Variants in POLE2 observed in about 807,000 individuals in gnomAD.
The protein encoded by POLE2 is DNA polymerase epsilon subunit 2.
POLE2 carries 56 observed loss-of-function variants against 79.4 expected under a neutral mutation model. That is an observed-to-expected ratio of 0.71 (90% CI 0.57 to 0.88). The LOEUF (loss-of-function observed/expected upper bound fraction) is 0.88, where lower values mean the gene tolerates loss of function less well. Among genes scored for constraint, POLE2 ranks in the 40% least tolerant of loss-of-function variants. The probability of loss-of-function intolerance (pLI) is 0.00; values close to 1 mark genes in which losing one functional copy is unlikely to be tolerated. For missense variants in POLE2, 598 were observed against 638.9 expected, an observed-to-expected ratio of 0.94 and a Z score of 0.69; for synonymous variants, 212 against 214.0, an observed-to-expected ratio of 0.99 and a Z score of 0.08.
chr14:49,680,347 C>T (rs1049677293), intron 2 of POLE2, among the ~76,000 whole-genome samples: 3 of 140,384 alleles, frequency 2.1e-5, no homozygotes, highest in Non-Finnish European at 4.6e-5. Context: ...GAGTGAGATA[C>T]TATCTCAAAA....
At chr14:49,646,302 GTTTTTTTTTTTTTTTTTTT>G (rs1162033821) in intron 18 of POLE2, among the ~76,000 whole-genome samples, 1,409 of 84,658 alleles carry the variant, frequency 0.017, 131 homozygotes, top group Admixed American at 0.15. Flanking sequence ...TTTTTTGTTG[GTTTTTTTTTTTTTTTTTTT>G]TTTTTTTTTT....
intron 15 of POLE2, 146 bp from the exon 16 acceptor site, chr14:49,651,523 C>T: frequency 2.0e-6 from 1 of 495,578 alleles, no homozygotes; most frequent in African/African-American, 1.9e-5. Context: ...TTCATCTATT[C>T]ATTTAACAGC....
chr14:49,681,636 T>C (rs1886710972), intron 2 of POLE2, among the ~76,000 whole-genome samples: 1 of 152,032 alleles, frequency 6.6e-6, no homozygotes, highest in Admixed American at 6.6e-5. Flanking sequence ...TAGCCTGGTG[T>C]GGTGGCACGC....
At chr14:49,678,441 C>T (rs940048618) in intron 3 of POLE2, among the ~76,000 whole-genome samples, 8 of 152,202 alleles carry the variant, frequency 5.3e-5, no homozygotes, top group African/African-American at 1.9e-4. Context: ...GCTCATATTA[C>T]GTTCTGCCTC....
chr14:49,682,873 T>C lies in POLE2; in HGVS notation c.169+720A>G, dbSNP rs76153382. The stretch of plus-strand genomic sequence containing the variant: ...AAATCAAGAAGAGATGTCAGCTCTG[T>C]TTACTTTACTCTTCTTTTTTTCCTC... On this transcript the variant is annotated intron_variant, in intron 2 of 18. Transcript: ENST00000216367. Among the ~76,000 whole-genome samples the C allele has an allele frequency of 2.3e-3, 353 of 151,926 alleles. 3 individuals carry two copies. The highest frequency in any genetic ancestry group is 0.018 in the East Asian group (91 of 5,172).
chr14:49,653,708 T>G (rs956597181), intron 15 of POLE2, among the ~76,000 whole-genome samples: 29 of 152,174 alleles, frequency 1.9e-4, no homozygotes, highest in Admixed American at 1.9e-3. Flanking sequence ...TGGAATGCAG[T>G]AGTGCATTCT....
intron 3 of POLE2, chr14:49,677,510 A>G (rs1469366040): frequency 1.4e-5 from 7 of 492,634 alleles, no homozygotes; most frequent in Middle Eastern, 4.6e-4. Flanking sequence ...CCTCACATGA[A>G]GGGCTCCCAC....
intron 9 of POLE2, 103 bp from the exon 10 acceptor site, chr14:49,663,490 G>A (rs1885240530): frequency 1.6e-6 from 1 of 616,130 alleles, no homozygotes; most frequent in East Asian, 3.1e-5. Flanking sequence ...CTCATGCCCT[G>A]TGAACTAATT....
rs998956417 is a variant in POLE2 at position 49,647,330 on chromosome 14, T to G, written c.1528A>C (p.Lys510Gln). 1.3e-6 allele frequency: 2 copies of G among 1,574,498 alleles called. No individual in the cohort carries two copies. The highest frequency in any genetic ancestry group is 1.7e-6 in the Non-Finnish European group (2 of 1,156,824). ...GTCTTATTAGAAGGATAAAAAACTTTGAATGAAAATCCACTTCTTGGAAAA... is the reference window on the plus strand; with the variant it reads ...GTCTTATTAGAAGGATAAAAAACTTGGAATGAAAATCCACTTCTTGGAAAA... ...GSFPRSGFSF[K>Q]VFYPSNKTVE... Residue 510 changes from lysine (K) to glutamine (Q), a missense_variant, in exon 18 of 19, where the codon AAA becomes CAA. Lys to Gln is a moderately conservative substitution (Grantham distance 53). Coordinates refer to ENST00000216367, the MANE Select transcript of POLE2 (RefSeq NM_002692.4).
At chr14:49,653,932 C>A in intron 15 of POLE2, 58 bp downstream of exon 15, 1 of 1,029,604 alleles carries the variant, frequency 9.7e-7, no homozygotes, top group South Asian at 1.4e-5. Context: ...TGAGCCACCA[C>A]ACCTGGCTAA....
At position 49,676,514 on chromosome 14, in the gene POLE2, C is replaced by G. The variant is rs145419905; in HGVS notation, c.246-2087G>C. ...CCTCTACTGTGGTATGATATAATGACTCTCTGACAATTGAAGGTACAAAAA... is the reference window on the plus strand; with the variant it reads ...CCTCTACTGTGGTATGATATAATGAGTCTCTGACAATTGAAGGTACAAAAA... On this transcript the variant is annotated intron_variant, in intron 3 of 18. Coordinates refer to ENST00000216367, the MANE Select transcript of POLE2 (RefSeq NM_002692.4). Among the ~76,000 whole-genome samples the G allele has an allele frequency of 2.3e-3, 356 of 152,354 alleles. 1 individual carries two copies. Among genetic ancestry groups the G allele is most frequent in the African/African-American group, 8.4e-3 (348 of 41,574 alleles).
At chr14:49,647,120 T>G (rs1274531306) in intron 18 of POLE2, 173 bp downstream of exon 18, 4 of 462,062 alleles carry the variant, frequency 8.7e-6, no homozygotes, top group African/African-American at 8.2e-5. Flanking sequence ...TACCATCATG[T>G]ACCCACAATT....
rs530472032 is a variant in POLE2, at chr14:49,664,846, T to C, written c.634-172A>G. Among the ~76,000 whole-genome samples the C allele has an allele frequency of 1.4e-3, 219 of 152,346 alleles. 5 individuals carry two copies. Among genetic ancestry groups the C allele is most frequent in the Non-Finnish European group, 2.5e-4 (17 of 68,020 alleles). On this transcript the variant is annotated intron_variant, in intron 8 of 18. Coordinates refer to ENST00000216367, the MANE Select transcript of POLE2 (RefSeq NM_002692.4). ...AAAATTTTAGTTTTAAATGTCCTCA[T>C]GTTTAATTCTTGGTAATATTGACAG...
chr14:49,678,002 TA>T (rs1243392683), intron 3 of POLE2: 119 of 153,780 alleles, frequency 7.7e-4, no homozygotes, highest in African/African-American at 3.6e-3. Flanking sequence ...TTATTTATTT[TA>T]TTTTTTTTTT....
chr14:49,677,997 TA>T (rs199606884), intron 3 of POLE2: 1 of 174,150 alleles, frequency 5.7e-6, no homozygotes, highest in East Asian at 1.3e-4. Context: ...TTATTTTATT[TA>T]TTTTATTTTT....
chr14:49,667,142 C>G (rs116340502), intron 6 of POLE2, among the ~76,000 whole-genome samples: 14 of 151,636 alleles, frequency 9.2e-5, no homozygotes, highest in Non-Finnish European at 1.9e-4. Flanking sequence ...AAGCCGAGAT[C>G]GCCTTGCATT....
Position 49,683,633 on chromosome 14 carries a change from A to C in POLE2, c.129T>G (p.Asp43Glu). 1 of 1,595,628 alleles carries C rather than the reference A, an allele frequency of 6.3e-7. No homozygotes were observed. Among genetic ancestry groups the C allele is most frequent in the Non-Finnish European group, 8.6e-7 (1 of 1,164,756 alleles). Residue 43 changes from aspartate (D) to glutamate (E), a missense_variant, in exon 2 of 19, where the codon GAT becomes GAG. By Grantham distance (45) the Asp-to-Glu change is conservative (BLOSUM62 2). Coordinates refer to ENST00000216367, the MANE Select transcript of POLE2 (RefSeq NM_002692.4). ...CTGCATTAATTATCTTTTCCAGTTT[A>C]TCTTCAAGCTCTAATTCACTGATAG... ...LQSISELELE[D>E]KLEKIINAVE...
intron 1 of POLE2, among the ~76,000 whole-genome samples, chr14:49,685,403 T>C (rs1409056330): frequency 1.3e-5 from 2 of 152,166 alleles, no homozygotes; most frequent in African/African-American, 4.8e-5. Flanking sequence ...ATTTGACCAC[T>C]GAGTCCCTAA....
chr14:49,680,867 G>A (rs539748027), intron 2 of POLE2, among the ~76,000 whole-genome samples: 55 of 151,838 alleles, frequency 3.6e-4, no homozygotes, highest in African/African-American at 8.0e-4. Flanking sequence ...TCCTGACCTC[G>A]TGATCCGCCC....
Sources: allele counts gnomAD v4.1 joint callset (sites outside exome capture counted in the v4.1 genomes callset), GRCh38; gene constraint gnomAD v4.1.1; transcripts MANE v1.5; gene names NCBI Gene and HGNC (gene_info 2026-07-23, HGNC 2026-07-21).